PTPN6: variants seen among roughly 807,000 people sequenced by gnomAD.
PTPN6 encodes protein tyrosine phosphatase non-receptor type 6, also known as tyrosine-protein phosphatase non-receptor type 6.
A neutral mutation model predicts 81.5 loss-of-function variants in PTPN6; 18 were observed. That is an observed-to-expected ratio of 0.22 (90% confidence interval 0.15 to 0.33). The LOEUF (loss-of-function observed/expected upper bound fraction) is 0.33, where lower values mean the gene tolerates loss of function less well. Ranked by LOEUF, PTPN6 falls within the 10% of genes least tolerant of loss-of-function variation. The pLI, the probability that PTPN6 is intolerant of heterozygous loss-of-function variation, is 1.00. For missense variants in PTPN6, 500 were observed against 794.2 expected, an observed-to-expected ratio of 0.63 and a Z score of 4.45; for synonymous variants, 301 against 310.9, an observed-to-expected ratio of 0.97 and a Z score of 0.33.
chr12:6,960,260 G>T lies in PTPN6; in HGVS notation c.1581+21G>T, dbSNP rs782694279. 1 of 452,594 alleles carries T rather than the reference G, an allele frequency of 2.2e-6. No individual in the cohort carries two copies. Among genetic ancestry groups the T allele is most frequent in the Non-Finnish European group, 3.0e-6 (1 of 330,542 alleles). 28.0% of individuals were successfully genotyped at this position (452,594 alleles called of 1,614,324 possible). Reference sequence around the variant, plus strand: ...TGCAGGTGCGTGCAGAGCAGGGCCTGGGGGGGGGGGGGGCTGCAGTGCAGG... The same window carrying T: ...TGCAGGTGCGTGCAGAGCAGGGCCTTGGGGGGGGGGGGGCTGCAGTGCAGG... On this transcript the variant is annotated intron_variant, in intron 13 of 15. Coordinates refer to ENST00000318974, the MANE Select transcript of PTPN6 (RefSeq NM_002831.6). This position sits in a 1 kb window ranked among gnomAD's most constrained non-coding sequence, Gnocchi z 6.1.
At position 6,959,850 on chromosome 12, in the gene PTPN6, C is replaced by A; in HGVS notation, c.1362-77C>A. 1 of 1,494,058 alleles carries A rather than the reference C, an allele frequency of 6.7e-7. No individual in the cohort carries two copies. Among genetic ancestry groups the A allele is most frequent in the Non-Finnish European group, 9.3e-7 (1 of 1,076,856 alleles). The allele number at this position is 1,494,058 out of a possible 1,614,324, so 92.6% of individuals were successfully genotyped here. The stretch of plus-strand genomic sequence containing the variant: ...CAGGCTGCTCCTGTGGTGCCTGGGG[C>A]TGGAGCTGAGCGCTGGGTACCCCCC... On this transcript the variant is annotated intron_variant, in intron 11 of 15. Coordinates refer to ENST00000318974, the MANE Select transcript of PTPN6 (RefSeq NM_002831.6). The surrounding 1 kb of genome is among the most constrained non-coding windows in gnomAD (Gnocchi z 6.6).
chr12:6,951,776 G>T lies in PTPN6; in HGVS notation c.131+45G>T, dbSNP rs1555147798. On this transcript the variant is annotated intron_variant, in intron 2 of 15. Coordinates refer to ENST00000318974, the MANE Select transcript of PTPN6 (RefSeq NM_002831.6). The surrounding 1 kb of genome is among the most constrained non-coding windows in gnomAD (Gnocchi z 7.2). ...CCCCGGGCATTTTGGCCACTCTCTTGTGCCATCCAGGCCCTGAACCACTCA... is the reference window on the plus strand; with the variant it reads ...CCCCGGGCATTTTGGCCACTCTCTTTTGCCATCCAGGCCCTGAACCACTCA... The T allele has an allele frequency of 1.2e-6, 2 of 1,605,424 alleles. No homozygotes were observed. Among genetic ancestry groups the T allele is most frequent in the South Asian group, 1.1e-5 (1 of 91,002 alleles).
upstream of PTPN6, chr12:6,946,640 G>A: frequency 8.6e-7 from 1 of 1,161,636 alleles, no homozygotes; most frequent in Admixed American, 1.8e-5. Context: ...TCCTCACCTG[G>A]CTTGGGCCAC....
upstream of PTPN6, among the ~76,000 whole-genome samples, chr12:6,949,415 G>A (rs1306146980): frequency 2.0e-5 from 3 of 152,194 alleles, no homozygotes; most frequent in South Asian, 2.1e-4. Context: ...ATCTGCCCCC[G>A]ACGCTGTCTG....
rs1386743997 is a variant in PTPN6, at chr12:6,952,443, C to G, written c.326+266C>G. On this transcript the variant is annotated intron_variant, in intron 3 of 15. Transcript: ENST00000318974. The surrounding 1 kb of genome is among the most constrained non-coding windows in gnomAD (Gnocchi z 8.1). ...ACTCCGGGAGCCCTGGCCGCTGCAA[C>G]CCAGGTCCCACTGGAGACAGGGAGG... 1.8e-6 allele frequency: 1 copy of G among 548,340 alleles called. No homozygotes were observed. The highest frequency in any genetic ancestry group is 3.3e-6 in the Non-Finnish European group (1 of 303,962). 34.0% of individuals were successfully genotyped at this position (548,340 alleles called of 1,614,324 possible).
intron 11 of PTPN6, 52 bp downstream of exon 11, chr12:6,958,125 C>G: frequency 6.3e-7 from 1 of 1,597,034 alleles, no homozygotes; most frequent in Non-Finnish European, 8.5e-7. Flanking sequence ...GTAAATACTG[C>G]TAAGTGCCAT....
upstream of PTPN6, among the ~76,000 whole-genome samples, chr12:6,950,662 G>A (rs755536562): frequency 6.6e-6 from 1 of 152,154 alleles, no homozygotes; most frequent in Non-Finnish European, 1.5e-5. Context: ...TGCAAGCATT[G>A]GCAAGGTCTT....
upstream of PTPN6, among the ~76,000 whole-genome samples, chr12:6,947,105 G>A (rs1945836490): frequency 6.6e-6 from 1 of 152,160 alleles, no homozygotes; most frequent in Non-Finnish European, 1.5e-5. Context: ...CCCACGTCCA[G>A]CCAACTTCTC....
chr12:6,951,956 C>T lies in PTPN6; in HGVS notation c.132-27C>T. ...CCTCCTGCCTCTACTCCTGCACCGA[C>T]TGGCCTCACCGCCTGGTGCCCTGCA... On this transcript the variant is annotated intron_variant, in intron 2 of 15. Transcript: ENST00000318974. The surrounding 1 kb of genome is among the most constrained non-coding windows in gnomAD (Gnocchi z 7.2). 6.2e-7 allele frequency: 1 copy of T among 1,611,176 alleles called. No homozygotes were observed. The highest frequency in any genetic ancestry group is 1.1e-5 in the South Asian group (1 of 90,948).
In PTPN6 at chr12:6,957,532, C is replaced by A; in HGVS notation, c.1075-122C>A. 7.5e-7 allele frequency: 1 copy of A among 1,330,756 alleles called. No homozygotes were observed. Among genetic ancestry groups the A allele is most frequent in the Non-Finnish European group, 1.0e-6 (1 of 961,246 alleles). 82.4% of individuals were successfully genotyped at this position (1,330,756 alleles called of 1,614,324 possible). On this transcript the variant is annotated intron_variant, in intron 9 of 15. Coordinates refer to ENST00000318974, the MANE Select transcript of PTPN6 (RefSeq NM_002831.6). The surrounding 1 kb of genome is among the most constrained non-coding windows in gnomAD (Gnocchi z 6.5). ...CCCAGGTCTCCTGCCTCTCTGCCAG[C>A]CCATCCGTCCATCCAACAAATGTTT...
rs1945936071 is a variant in PTPN6, at chr12:6,952,064, T to G, written c.213T>G (p.Thr71=). The G allele has an allele frequency of 2.5e-6, 4 of 1,614,140 alleles. No individual in the cohort carries two copies. The East Asian group carries it at 8.9e-5, about 36-fold the overall frequency. ...TGTATGGAGGGGAGAAGTTTGCGAC[T>G]CTGACAGAGCTGGTGGAGTACTACA... is the stretch of plus-strand genomic sequence containing the variant. The part of the protein sequence containing the change: ...YDLYGGEKFA[T]LTELVEYYTQ... Residue 71 remains threonine, a synonymous_variant, in exon 3 of 16, where the codon ACT becomes ACG. Transcript: ENST00000318974. This position sits in a 1 kb window ranked among gnomAD's most constrained non-coding sequence, Gnocchi z 8.1.
Position 6,955,711 on chromosome 12 carries a change from C to A in PTPN6, c.799C>A (p.Arg267=). The part of the protein sequence containing the change: ...KNLHQRLEGQ[R]PENKGKNRYK... ...CTTGCACCAGCGTCTGGAAGGGCAG[C>A]GGCCAGAGAACAAGGGCAAGAACCG... The change falls in exon 7 of 16, where the codon CGG becomes AGG. Residue 267 remains arginine (R), a synonymous_variant. Transcript: ENST00000318974. The surrounding 1 kb of genome is among the most constrained non-coding windows in gnomAD (Gnocchi z 7.2). The A allele has an allele frequency of 1.9e-6, 3 of 1,613,992 alleles. No homozygotes were observed. Among genetic ancestry groups the A allele is most frequent in the Non-Finnish European group, 2.5e-6 (3 of 1,179,988 alleles).
chr12:6,956,293 A>C lies in PTPN6; in HGVS notation c.924+72A>C. ...TCCCTGTCTGGTGGGGGGACCCTAGATCCAGAGACAGCTGGGCAAAGCCGA... is the reference window on the plus strand; with the variant it reads ...TCCCTGTCTGGTGGGGGGACCCTAGCTCCAGAGACAGCTGGGCAAAGCCGA... On this transcript the variant is annotated intron_variant, in intron 8 of 15. Transcript: ENST00000318974. This position sits in a 1 kb window ranked among gnomAD's most constrained non-coding sequence, Gnocchi z 4.1. 6.2e-7 allele frequency: 1 copy of C among 1,609,184 alleles called. No homozygotes were observed. Among genetic ancestry groups the C allele is most frequent in the Non-Finnish European group, 8.5e-7 (1 of 1,175,612 alleles).
rs1555149900 is a variant in PTPN6 at position 6,961,159 on chromosome 12, TG to T, written c.*61del. ...CTGACCCTGTGGAAGCATTTCGCGA[TG>T]GACAGACTCACAACCTGAACCTAGG... On this transcript the variant is annotated 3_prime_UTR_variant, in exon 16 of 16. Transcript: ENST00000318974. The T allele has an allele frequency of 3.0e-6, 2 of 677,504 alleles. No homozygotes were observed. Among genetic ancestry groups the T allele is most frequent in the Non-Finnish European group, 4.8e-6 (2 of 416,644 alleles). The allele number at this position is 677,504 out of a possible 1,614,324, so 42.0% of individuals were successfully genotyped here. A position where few individuals can be genotyped will look rare whatever the true frequency, so the allele number is the denominator to read the frequency against.
intron 3 of PTPN6, among the ~76,000 whole-genome samples, chr12:6,953,977 A>G (rs782660397): frequency 2.6e-5 from 4 of 152,138 alleles, no homozygotes; most frequent in East Asian, 1.9e-4. Flanking sequence ...CTCTCCCCAG[A>G]AGGAGTTTTG....
chr12:6,952,328 C>T lies in PTPN6; in HGVS notation c.326+151C>T. The T allele has an allele frequency of 2.3e-6, 2 of 877,002 alleles. No individual in the cohort carries two copies. The highest frequency in any genetic ancestry group is 3.6e-6 in the Non-Finnish European group (2 of 556,186). The allele number at this position is 877,002 out of a possible 1,614,324, so 54.3% of individuals were successfully genotyped here. On this transcript the variant is annotated intron_variant, in intron 3 of 15. Coordinates refer to ENST00000318974, the MANE Select transcript of PTPN6 (RefSeq NM_002831.6). The surrounding 1 kb of genome is among the most constrained non-coding windows in gnomAD (Gnocchi z 8.1). ...AGCTGGGGCTCTCAATGTCCCTCCT[C>T]CCTGCTGTCCTGGGACCTGGTGTCT...
Position 6,960,572 on chromosome 12 carries a change from T to G in PTPN6, c.1673+137T>G, listed in dbSNP as rs945061910. On this transcript the variant is annotated intron_variant, in intron 14 of 15. Coordinates refer to ENST00000318974, the MANE Select transcript of PTPN6 (RefSeq NM_002831.6). This position sits in a 1 kb window ranked among gnomAD's most constrained non-coding sequence, Gnocchi z 6.1. ...TCAGGCTTGGTTCTCACCCCTTCTG[T>G]TCATAAGCATTTCCTGAGTGCCCAC... The G allele has an allele frequency of 3.1e-5, 44 of 1,430,830 alleles. 1 individual carries two copies. The Admixed American group carries it at 7.1e-4, about 23-fold the overall frequency. The allele number at this position is 1,430,830 out of a possible 1,614,324, so 88.6% of individuals were successfully genotyped here. A position where few individuals can be genotyped will look rare whatever the true frequency, so the allele number is the denominator to read the frequency against.
chr12:6,960,600 G>A lies in PTPN6; in HGVS notation c.1673+165G>A, dbSNP rs1555149714. The A allele has an allele frequency of 1.0e-5, 15 of 1,476,276 alleles. No individual in the cohort carries two copies. Among genetic ancestry groups the A allele is most frequent in the East Asian group, 4.9e-5 (2 of 40,442 alleles). The allele number at this position is 1,476,276 out of a possible 1,614,324, so 91.4% of individuals were successfully genotyped here. ...ATAAGCATTTCCTGAGTGCCCACAC[G>A]TGTGGGCCTCTGCTAGGTACCAGCA... On this transcript the variant is annotated intron_variant, in intron 14 of 15. Transcript: ENST00000318974. The surrounding 1 kb of genome is among the most constrained non-coding windows in gnomAD (Gnocchi z 6.1).
upstream of PTPN6, among the ~76,000 whole-genome samples, chr12:6,948,883 T>G (rs1945875109): frequency 6.7e-6 from 1 of 148,766 alleles, no homozygotes; most frequent in Non-Finnish European, 1.5e-5. Flanking sequence ...AGGCGGAGGT[T>G]GCAGTGAGCC....
Sources: gnomAD v4.1 joint callset for allele counts (sites outside exome capture counted in the v4.1 genomes callset) on GRCh38, gnomAD v4.1.1 for gene constraint, Gnocchi (gnomAD v3.1) non-coding constraint, MANE v1.5 for transcripts, NCBI Gene and HGNC (gene_info 2026-07-23, HGNC 2026-07-21) for gene names.